Variants in USO1 observed in about 807,000 individuals in gnomAD.
USO1 encodes USO1 vesicle transport factor, also known as general vesicular transport factor p115.
In USO1, 57 loss-of-function variants were observed where a neutral mutation model predicts 124.5. The ratio of observed to expected loss-of-function variants is 0.46; its 90% CI spans 0.37 to 0.57. The LOEUF (loss-of-function observed/expected upper bound fraction) is 0.57. Ranked by LOEUF, USO1 falls within the 20% of genes least tolerant of loss-of-function variation. The pLI, the probability that USO1 is intolerant of heterozygous loss-of-function variation, is 0.00. For synonymous variants in USO1, 369 were observed against 362.8 expected (o/e 1.02, Z -0.19); for missense variants, 900 against 1,040.6 (o/e 0.86, Z 1.86).
intron 1 of USO1, among the ~76,000 whole-genome samples, chr4:75,751,597 G>A (rs929617753): frequency 4.0e-5 from 6 of 150,196 alleles, no homozygotes; most frequent in Admixed American, 3.3e-4. Flanking sequence ...TTGGGAGGCC[G>A]AGGCGGGTGG....
In USO1 at chr4:75,748,213, T is replaced by TTTC. The variant is rs1721188708; in HGVS notation, c.67-4158_67-4157insCTT. Among the ~76,000 whole-genome samples, 4 of 142,440 alleles carry TTTC rather than the reference T, an allele frequency of 2.8e-5. No homozygotes were observed. The South Asian group carries it at 8.9e-4, about 32-fold the overall frequency. 93.4% of individuals were successfully genotyped at this position (142,440 alleles called of 152,430 possible). On this transcript the variant is annotated intron_variant, in intron 1 of 23. Coordinates refer to ENST00000514213, the MANE Select transcript of USO1 (RefSeq NM_003715.4). ...GCCATCGTGCCCAGCTGGTATTTCTTTTTTTTTTTTTTTTTTACAGGCTGG... is the reference window on the plus strand; with the variant it reads ...GCCATCGTGCCCAGCTGGTATTTCTTTTCTTTTTTTTTTTTTTTTACAGGCTGG...
At chr4:75,796,393 T>C (rs1285215811) in intron 13 of USO1, among the ~76,000 whole-genome samples, 1 of 140,944 alleles carries the variant, frequency 7.1e-6, no homozygotes, top group African/African-American at 2.5e-5. Context: ...TGGAGTGCAA[T>C]GGCACGATCT....
intron 14 of USO1, 47 bp from the exon 15 acceptor site, chr4:75,800,304 A>T: frequency 6.5e-7 from 1 of 1,527,266 alleles, no homozygotes. Flanking sequence ...AAATTGCAAA[A>T]TGTACTAGAT....
intron 1 of USO1, among the ~76,000 whole-genome samples, chr4:75,735,841 T>A (rs1382850256): frequency 2.0e-5 from 3 of 152,148 alleles, no homozygotes; most frequent in Non-Finnish European, 4.4e-5. Flanking sequence ...CTCATCTCAG[T>A]TTTTTCTTTC....
intron 4 of USO1, among the ~76,000 whole-genome samples, chr4:75,769,087 T>G (rs1055485656): frequency 1.3e-5 from 2 of 152,208 alleles, no homozygotes; most frequent in Admixed American, 6.5e-5. Flanking sequence ...CACACTCCTC[T>G]GTGCAACATG....
rs1360997265 is a variant in USO1 at position 75,780,669 on chromosome 4, A to C, written c.677-2011A>C. ...TTTTTTTTTTTTTTTTTTTTTTGAGATGGAGTCTCACTCTGTCCCCCAGGC... is the reference window on the plus strand; with the variant it reads ...TTTTTTTTTTTTTTTTTTTTTTGAGCTGGAGTCTCACTCTGTCCCCCAGGC... On this transcript the variant is annotated intron_variant, in intron 8 of 23. Transcript: ENST00000514213. 8.5e-5 allele frequency among the ~76,000 whole-genome samples: 6 copies of C among 70,610 alleles called. No homozygotes were observed. The East Asian group carries it at 2.9e-3, about 34-fold the overall frequency. 46.3% of individuals were successfully genotyped at this position (70,610 alleles called of 152,430 possible). A position where few individuals can be genotyped will look rare whatever the true frequency, so the allele number is the denominator to read the frequency against.
intron 7 of USO1, among the ~76,000 whole-genome samples, chr4:75,772,782 A>G (rs956554389): frequency 5.9e-5 from 9 of 152,106 alleles, no homozygotes; most frequent in Non-Finnish European, 1.0e-4. Flanking sequence ...ATTTTCAGAT[A>G]TAAAAGTGCT....
At chr4:75,782,246 T>C (rs1223308653) in intron 8 of USO1, among the ~76,000 whole-genome samples, 1 of 152,212 alleles carries the variant, frequency 6.6e-6, no homozygotes, top group Non-Finnish European at 1.5e-5. Context: ...CATGTCTCTG[T>C]CTCTGCTAAA....
At chr4:75,748,379 G>T (rs529418092) in intron 1 of USO1, among the ~76,000 whole-genome samples, 3 of 150,962 alleles carry the variant, frequency 2.0e-5, no homozygotes, top group Non-Finnish European at 4.4e-5. Flanking sequence ...AGTAGGGACG[G>T]GGTTTTGCCA....
At chr4:75,751,628 C>T (rs1290152137) in intron 1 of USO1, among the ~76,000 whole-genome samples, 2 of 150,640 alleles carry the variant, frequency 1.3e-5, no homozygotes, top group Admixed American at 1.3e-4. Flanking sequence ...GTCAGGAGCT[C>T]TAGATGAGCT....
intron 1 of USO1, among the ~76,000 whole-genome samples, chr4:75,741,874 C>T (rs926038527): frequency 2.6e-5 from 4 of 152,008 alleles, no homozygotes; most frequent in South Asian, 4.2e-4. Flanking sequence ...GGATTATAGG[C>T]GTGAGCTACC....
chr4:75,751,040 C>T (rs939112506), intron 1 of USO1, among the ~76,000 whole-genome samples: 2 of 151,798 alleles, frequency 1.3e-5, no homozygotes, highest in Non-Finnish European at 1.5e-5. Flanking sequence ...TTTTGAATAC[C>T]TACATGGCGT....
chr4:75,739,538 C>CTTTTTTTTTTTTTT (rs753369609), intron 1 of USO1, among the ~76,000 whole-genome samples: 3 of 105,420 alleles, frequency 2.8e-5, no homozygotes, highest in Non-Finnish European at 3.7e-5. Flanking sequence ...TTATCTTTTT[C>CTTTTTTTTTTTTTT]TTTTTTTTTT....
At chr4:75,760,030 G>A (rs1193620741) in intron 4 of USO1, among the ~76,000 whole-genome samples, 1 of 151,986 alleles carries the variant, frequency 6.6e-6, no homozygotes. Context: ...TCACCAACAT[G>A]GTGAAACCCC....
chr4:75,790,921 AAAC>A, intron 12 of USO1, 124 bp downstream of exon 12: 4 of 1,229,364 alleles, frequency 3.3e-6, no homozygotes, highest in Non-Finnish European at 3.2e-6. Context: ...GAAAAAAAAA[AAAC>A]AAAAACACCT....
rs780272637 is a variant in USO1, at chr4:75,762,780, T to C, written c.295+5207T>C. Among the ~76,000 whole-genome samples the C allele has an allele frequency of 9.2e-5, 14 of 152,086 alleles. 1 individual carries two copies. Among genetic ancestry groups the C allele is most frequent in the Admixed American group, 7.9e-4 (12 of 15,274 alleles). On this transcript the variant is annotated intron_variant, in intron 4 of 23. Coordinates refer to ENST00000514213, the MANE Select transcript of USO1 (RefSeq NM_003715.4). ...CATCTCTACTAAAAATACAAAAAAT[T>C]AGCCAGGCGTGGTGGCGGGCCCCTG...
At chr4:75,805,668 C>T (rs1431426497) in intron 19 of USO1, among the ~76,000 whole-genome samples, 1 of 151,048 alleles carries the variant, frequency 6.6e-6, no homozygotes, top group Admixed American at 6.6e-5. Context: ...GATCACCCCA[C>T]TTCACCTCAT....
chr4:75,748,944 T>TA (rs36089746), intron 1 of USO1, among the ~76,000 whole-genome samples: 14,642 of 151,280 alleles, frequency 0.097, 869 homozygotes, highest in Middle Eastern at 0.17. Flanking sequence ...TTCTAAGTAG[T>TA]AAAAAAAATA....
intron 1 of USO1, among the ~76,000 whole-genome samples, chr4:75,741,094 GC>G (rs1016320975): frequency 6.6e-6 from 1 of 152,160 alleles, no homozygotes; most frequent in Non-Finnish European, 1.5e-5. Context: ...AGATAGTATA[GC>G]CTACTATTCA....
Sources: gnomAD v4.1 joint callset for allele counts (sites outside exome capture counted in the v4.1 genomes callset) on GRCh38, gnomAD v4.1.1 for gene constraint, MANE v1.5 for transcripts, NCBI Gene and HGNC (gene_info 2026-07-23, HGNC 2026-07-21) for gene names.